Variants in STRN observed in about 807,000 individuals in gnomAD.
STRN encodes striatin, also known as protein phosphatase 2 regulatory subunit B'''alpha.
Under a neutral mutation model 96.3 loss-of-function variants are expected in STRN, and 53 were observed. That is an observed-to-expected ratio of 0.55 (90% CI 0.44 to 0.69). STRN has a LOEUF of 0.69. STRN is among the 30% of genes least tolerant of loss of function. The pLI is 0.00. For synonymous variants in STRN, 428 were observed against 355.9 expected, an observed-to-expected ratio of 1.20 and a Z score of -2.28; for missense variants, 987 against 963.9, an observed-to-expected ratio of 1.02 and a Z score of -0.32.
chr2:36,935,173 C>A (rs1460049590), intron 1 of STRN, among the ~76,000 whole-genome samples: 1 of 152,174 alleles, frequency 6.6e-6, no homozygotes, highest in Non-Finnish European at 1.5e-5. Context: ...CAGCTCCATG[C>A]CTTGGCTTAT....
intron 1 of STRN, among the ~76,000 whole-genome samples, chr2:36,942,078 T>C (rs934402445): frequency 6.6e-6 from 1 of 152,186 alleles, no homozygotes; most frequent in Non-Finnish European, 1.5e-5. Flanking sequence ...CAATGAGTGA[T>C]ACATGTATGT....
intron 15 of STRN, among the ~76,000 whole-genome samples, chr2:36,852,176 T>C (rs982802293): frequency 2.6e-5 from 4 of 152,244 alleles, no homozygotes; most frequent in Non-Finnish European, 5.9e-5. Context: ...TCACACATTC[T>C]TCCTGAAAGG....
intron 1 of STRN, 70 bp from the exon 2 acceptor site, chr2:36,925,278 AC>A (rs1416778180): frequency 9.6e-7 from 1 of 1,046,376 alleles, no homozygotes; most frequent in Non-Finnish European, 1.4e-6. Context: ...TCAGTAAAGA[AC>A]CATTGGAAGT....
At chr2:36,958,338 A>G (rs907609747) in intron 1 of STRN, among the ~76,000 whole-genome samples, 1 of 152,220 alleles carries the variant, frequency 6.6e-6, no homozygotes. Context: ...GGCACCTCTA[A>G]GACCTCAGAT....
rs1200415987 is a variant in STRN at position 36,902,658 on chromosome 2, G to A, written c.585C>T (p.Asp195=). Residue 195 remains aspartate (D), a synonymous_variant, in exon 5 of 18, where the codon GAC becomes GAT. Coordinates refer to ENST00000263918, the MANE Select transcript of STRN (RefSeq NM_003162.4). The stretch of plus-strand genomic sequence containing the variant: ...AGTCCTGATTTTTGTCATCTTCCCT[G>A]TCCGTGACATCACTTGAAAAGCCCA... ...ALLGFSSDVT[D]REDDKNQDSV... 2.5e-6 allele frequency: 4 copies of A among 1,611,990 alleles called. No individual in the cohort carries two copies. Among genetic ancestry groups the A allele is most frequent in the Non-Finnish European group, 1.7e-6 (2 of 1,178,702 alleles).
Position 36,846,314 on chromosome 2 carries a change from C to T in STRN, c.*3142G>A, listed in dbSNP as rs1318179463. On this transcript the variant is annotated 3_prime_UTR_variant, in exon 18 of 18. Coordinates refer to ENST00000263918, the MANE Select transcript of STRN (RefSeq NM_003162.4). ...CAAAAGCAAACAGCACAACACTCAT[C>T]ATACTCATCATTATCTGCTGTGTAT... 1.4e-5 allele frequency: 2 copies of T among 143,004 alleles called. No individual in the cohort carries two copies. The highest frequency in any genetic ancestry group is 2.6e-5 in the African/African-American group (1 of 38,146). The allele number at this position is 143,004 out of a possible 1,614,324, so 8.9% of individuals were successfully genotyped here.
intron 3 of STRN, among the ~76,000 whole-genome samples, chr2:36,910,608 CAA>C (rs1306526902): frequency 6.6e-6 from 1 of 151,850 alleles, no homozygotes; most frequent in Non-Finnish European, 1.5e-5. Flanking sequence ...AATAAGTCAG[CAA>C]AAGAGATAAA....
chr2:36,911,556 C>T (rs1011365218), intron 3 of STRN, among the ~76,000 whole-genome samples: 1 of 152,120 alleles, frequency 6.6e-6, no homozygotes, highest in Admixed American at 6.6e-5. Flanking sequence ...CAACAAACAG[C>T]CTGCAAAACC....
At chr2:36,865,675 C>T (rs1668603354) in intron 12 of STRN, among the ~76,000 whole-genome samples, 1 of 152,124 alleles carries the variant, frequency 6.6e-6, no homozygotes. Flanking sequence ...AATTCTCCTG[C>T]CTCAGCCTCC....
rs1205115020 is a variant in STRN, at chr2:36,966,392, G to A, written c.72C>T (p.Leu24=). ...NHPGAGGAKG[L]GPLAEAAAAG... is the part of the protein sequence containing the mutation. ...CCGCGGCAGCCTCCGCCAGAGGCCC[G>A]AGCCCCTTGGCACCGCCGGCGCCCG... is the stretch of plus-strand genomic sequence containing the variant. The change falls in exon 1 of 18, where the codon CTC becomes CTT. Residue 24 remains leucine, a synonymous_variant. Coordinates refer to ENST00000263918, the MANE Select transcript of STRN (RefSeq NM_003162.4). 18 of 1,463,872 alleles carry A rather than the reference G, an allele frequency of 1.2e-5. No homozygotes were observed. In the East Asian group the frequency reaches 3.0e-4, roughly 24 times the overall value. 90.7% of individuals were successfully genotyped at this position (1,463,872 alleles called of 1,614,324 possible). A position where few individuals can be genotyped will look rare whatever the true frequency, so the allele number is the denominator to read the frequency against.
chr2:36,929,977 A>C (rs1283791510), intron 1 of STRN, among the ~76,000 whole-genome samples: 1 of 152,266 alleles, frequency 6.6e-6, no homozygotes, highest in African/African-American at 2.4e-5. Context: ...ATATGGTTAC[A>C]GTGTACAATG....
chr2:36,879,059 A>G (rs1668997346), intron 9 of STRN, among the ~76,000 whole-genome samples: 1 of 143,944 alleles, frequency 6.9e-6, no homozygotes, highest in African/African-American at 2.6e-5. Flanking sequence ...GGTAAAGAAA[A>G]TGTTTTGTTT....
intron 15 of STRN, among the ~76,000 whole-genome samples, chr2:36,852,376 T>C (rs1375247021): frequency 6.6e-6 from 1 of 152,186 alleles, no homozygotes; most frequent in Non-Finnish European, 1.5e-5. Context: ...CTCTCAAAAT[T>C]TGAATATAAA....
At chr2:36,892,800 C>T (rs1669434435) in intron 7 of STRN, among the ~76,000 whole-genome samples, 1 of 152,156 alleles carries the variant, frequency 6.6e-6, no homozygotes, top group Non-Finnish European at 1.5e-5. Context: ...GCAGGCAGAT[C>T]ACCTGATGTT....
intron 12 of STRN, among the ~76,000 whole-genome samples, chr2:36,864,728 G>C (rs1668578956): frequency 6.6e-6 from 1 of 152,094 alleles, no homozygotes; most frequent in South Asian, 2.1e-4. Context: ...TTATTTTTGA[G>C]ATGGAGTTTC....
intron 12 of STRN, among the ~76,000 whole-genome samples, chr2:36,866,264 C>A (rs2148145295): frequency 6.6e-6 from 1 of 152,192 alleles, no homozygotes; most frequent in African/African-American, 2.4e-5. Context: ...TGGGGTTCTG[C>A]CATGCTGCCC....
intron 10 of STRN, among the ~76,000 whole-genome samples, chr2:36,877,559 G>A (rs539816019): frequency 3.9e-5 from 6 of 152,006 alleles, no homozygotes; most frequent in East Asian, 1.9e-4. Context: ...TTTTTGAGAC[G>A]GAGTCTCACT....
At chr2:36,896,711 T>C (rs112116023) in intron 6 of STRN, among the ~76,000 whole-genome samples, 12,376 of 152,228 alleles carry the variant, frequency 0.081, 667 homozygotes, top group South Asian at 0.14. Flanking sequence ...AGCTCTTAGT[T>C]CCATTCTTTT....
intron 1 of STRN, among the ~76,000 whole-genome samples, chr2:36,925,730 G>A (rs758562079): frequency 2.0e-5 from 3 of 152,094 alleles, no homozygotes; most frequent in Non-Finnish European, 4.4e-5. Flanking sequence ...CCGAGATCAC[G>A]CCTCTGCACT....
Sources: allele counts gnomAD v4.1 joint callset (sites outside exome capture counted in the v4.1 genomes callset), GRCh38; gene constraint gnomAD v4.1.1; transcripts MANE v1.5; gene names NCBI Gene and HGNC (gene_info 2026-07-23, HGNC 2026-07-21).